Variants in CFAP251 observed in about 807,000 individuals in gnomAD.
CFAP251 encodes cilia and flagella associated protein 251.
CFAP251 carries 93 observed loss-of-function variants against 126.7 expected under a neutral mutation model. The observed-to-expected ratio is 0.73, with a 90% CI of 0.62 to 0.87. The LOEUF is 0.87. Among genes scored for constraint, CFAP251 ranks in the 40% least tolerant of loss-of-function variants. The pLI is 0.00. For missense variants in CFAP251, 1,287 were observed against 1,389.2 expected (o/e 0.93, Z 1.17); for synonymous variants, 503 against 506.9 (o/e 0.99, Z 0.10).
In CFAP251 at chr12:122,003,915, T is replaced by C. The variant is rs146656373; in HGVS notation, c.*151T>C. ...ATTAAAGCAAGTTTCTGGTGAGCAA[T>C]GGAATTCACAAAGTTGGACATTCCA... is the stretch of plus-strand genomic sequence containing the variant. On this transcript the variant is annotated 3_prime_UTR_variant, in exon 22 of 22. Transcript: ENST00000288912. 7.9e-5 allele frequency: 45 copies of C among 567,808 alleles called. No individual in the cohort carries two copies. Among genetic ancestry groups the C allele is most frequent in the Non-Finnish European group, 1.2e-4 (43 of 345,432 alleles). The allele number at this position is 567,808 out of a possible 1,614,324, so 35.2% of individuals were successfully genotyped here.
At chr12:121,922,079 G>A (rs1161045102) in intron 2 of CFAP251, among the ~76,000 whole-genome samples, 4 of 146,718 alleles carry the variant, frequency 2.7e-5, no homozygotes, top group Admixed American at 2.1e-4. Context: ...ACAGGCACAC[G>A]CCACCACGCC....
intron 1 of CFAP251, among the ~76,000 whole-genome samples, chr12:121,919,947 C>A (rs1880088967): frequency 6.6e-6 from 1 of 151,992 alleles, no homozygotes; most frequent in Non-Finnish European, 1.5e-5. Context: ...TTTGGGAAGC[C>A]AAGGCGGGCG....
chr12:121,928,642 A>ATATATACG (rs1488035955), intron 3 of CFAP251, among the ~76,000 whole-genome samples: 6,957 of 29,792 alleles, frequency 0.23, 704 homozygotes, highest in East Asian at 0.42. Flanking sequence ...ATATACGTAT[A>ATATATACG]TATATATATA....
chr12:121,998,054 A>G (rs1032596378), intron 19 of CFAP251: 14 of 150,592 alleles, frequency 9.3e-5, no homozygotes, highest in Admixed American at 6.6e-4. Context: ...CCCGGCCTCA[A>G]TTGATTTTTT....
chr12:121,973,146 G>A (rs981359016), intron 17 of CFAP251, among the ~76,000 whole-genome samples: 2 of 152,142 alleles, frequency 1.3e-5, no homozygotes, highest in Non-Finnish European at 2.9e-5. Context: ...CTTGGTGCCC[G>A]GCATCCCAGC....
In CFAP251 at chr12:121,958,400, T is replaced by C. The variant is rs777321081; in HGVS notation, c.1859T>C (p.Leu620Pro). 3 of 1,614,228 alleles carry C rather than the reference T, an allele frequency of 1.9e-6. No individual in the cohort carries two copies. The South Asian group carries it at 3.3e-5, about 18-fold the overall frequency. Residue 620 changes from leucine (L) to proline (P), a missense_variant, in exon 12 of 22, where the codon CTC becomes CCC. Physicochemically the swap from Leu to Pro is moderately conservative, Grantham distance 98 (BLOSUM62 -3). Coordinates refer to ENST00000288912, the MANE Select transcript of CFAP251 (RefSeq NM_144668.6). ...CAISCHPYQP[L>P]IAIGSICGMI... The stretch of plus-strand genomic sequence containing the variant: ...ATCTCCTGCCACCCATATCAACCCC[T>C]CATTGCCATCGGGAGCATCTGTGGG...
intron 5 of CFAP251, among the ~76,000 whole-genome samples, chr12:121,940,524 C>T (rs1185426708): frequency 1.3e-5 from 2 of 152,066 alleles, no homozygotes; most frequent in Non-Finnish European, 1.5e-5. Context: ...GTATCTAGGA[C>T]TCCATAAACA....
At chr12:121,934,037 T>C (rs1880794131) in intron 4 of CFAP251, among the ~76,000 whole-genome samples, 1 of 152,112 alleles carries the variant, frequency 6.6e-6, no homozygotes, top group Non-Finnish European at 1.5e-5. Flanking sequence ...AGGGAACTTA[T>C]CTTTCAGGTG....
intron 9 of CFAP251, 97 bp from the exon 10 acceptor site, chr12:121,954,023 C>A: frequency 9.2e-7 from 1 of 1,089,338 alleles, no homozygotes; most frequent in Non-Finnish European, 1.3e-6. Flanking sequence ...CTCTTTTTCT[C>A]ACTATATTTC....
chr12:121,962,117 G>A lies in CFAP251; in HGVS notation c.2447G>A (p.Ser816Asn), dbSNP rs140082126. ...GAACTCTTCCTGCTTATTTGCAACA[G>A]TGGCTACAAAGTGAAGCTTTTTAAT... ...TRELFLLICNSGYKVKLFNAT... is the reference protein window; with the variant it reads ...TRELFLLICNNGYKVKLFNAT... The change falls in exon 15 of 22, where the codon AGT becomes AAT. Residue 816 changes from serine to asparagine, a missense_variant. Physicochemically the swap from Ser to Asn is conservative, Grantham distance 46. Coordinates refer to ENST00000288912, the MANE Select transcript of CFAP251 (RefSeq NM_144668.6). 3.3e-5 allele frequency: 54 copies of A among 1,613,900 alleles called. No individual in the cohort carries two copies. The African/African-American group carries it at 5.5e-4, about 16-fold the overall frequency.
intron 9 of CFAP251, chr12:121,953,335 T>A (rs1881598821): frequency 6.6e-6 from 1 of 152,224 alleles, no homozygotes; most frequent in Non-Finnish European, 1.5e-5. Flanking sequence ...GGCGGAGCAT[T>A]GCCCTGCCTG....
rs1484482986 is a variant in CFAP251 at position 121,989,551 on chromosome 12, A to G, written c.3007-10165A>G. The stretch of plus-strand genomic sequence containing the variant: ...ATGTGGCCATGCAGTGACGCTGCCC[A>G]GCCCTTACGCCCCCTCCTCAGCCCA... On this transcript the variant is annotated intron_variant, in intron 19 of 21. Coordinates refer to ENST00000288912, the MANE Select transcript of CFAP251 (RefSeq NM_144668.6). The surrounding 1 kb of genome is among the most constrained non-coding windows in gnomAD (Gnocchi z 4.2). 6.6e-6 allele frequency among the ~76,000 whole-genome samples: 1 copy of G among 152,214 alleles called. No homozygotes were observed. The highest frequency in any genetic ancestry group is 1.5e-5 in the Non-Finnish European group (1 of 68,020).
At chr12:121,976,017 T>C (rs1248859362) in intron 19 of CFAP251, among the ~76,000 whole-genome samples, 3 of 151,530 alleles carry the variant, frequency 2.0e-5, no homozygotes, top group African/African-American at 4.8e-5. Flanking sequence ...TTTTCTTTTT[T>C]TTTTTTTTTG....
chr12:121,923,033 G>A (rs1365691980), intron 2 of CFAP251, among the ~76,000 whole-genome samples: 2 of 152,078 alleles, frequency 1.3e-5, no homozygotes, highest in Non-Finnish European at 2.9e-5. Context: ...CTGACCTCGT[G>A]ATCTGCCCGC....
At chr12:121,963,284 C>T (rs1367246831) in intron 15 of CFAP251, among the ~76,000 whole-genome samples, 2 of 151,924 alleles carry the variant, frequency 1.3e-5, no homozygotes, top group African/African-American at 2.4e-5. Flanking sequence ...AGACACCTCT[C>T]GAAGTCAGAA....
chr12:121,920,258 C>T (rs552615450), intron 1 of CFAP251, among the ~76,000 whole-genome samples: 7 of 131,402 alleles, frequency 5.3e-5, no homozygotes, highest in Non-Finnish European at 9.6e-5. Flanking sequence ...GAGAGGGTCT[C>T]GCTCTGTTGC....
chr12:121,977,363 T>C (rs890323063), intron 19 of CFAP251, among the ~76,000 whole-genome samples: 2 of 152,232 alleles, frequency 1.3e-5, no homozygotes, highest in Admixed American at 6.5e-5. Context: ...TATATAGTTT[T>C]AAAAAACTAA....
chr12:121,992,353 A>G (rs1882895539), intron 19 of CFAP251: 1 of 985,266 alleles, frequency 1.0e-6, no homozygotes, highest in African/African-American at 1.7e-5. Flanking sequence ...GTGCTTGTTG[A>G]GTAGTGATTC....
At position 121,959,015 on chromosome 12, in the gene CFAP251, G is replaced by C. The variant is rs1170700972; in HGVS notation, c.2054G>C (p.Ser685Thr). 2.5e-6 allele frequency: 4 copies of C among 1,613,324 alleles called. No homozygotes were observed. In the South Asian group the frequency reaches 4.4e-5, roughly 18 times the overall value. Residue 685 changes from serine (S) to threonine (T), a missense_variant, in exon 13 of 22, where the codon AGC (serine) becomes ACC (threonine). Transcript: ENST00000288912. Reference protein sequence around the residue: ...ILDAMSLENESPEPFKYSRTS... With the variant: ...ILDAMSLENETPEPFKYSRTS... ...GATGCAATGTCTTTAGAAAATGAAAGCCCAGAGCCTTTCAAATATTCCAGA... is the reference window on the plus strand; with the variant it reads ...GATGCAATGTCTTTAGAAAATGAAACCCCAGAGCCTTTCAAATATTCCAGA...
Sources: gnomAD v4.1 joint callset for allele counts (sites outside exome capture counted in the v4.1 genomes callset) on GRCh38, gnomAD v4.1.1 for gene constraint, Gnocchi (gnomAD v3.1) non-coding constraint, MANE v1.5 for transcripts, NCBI Gene and HGNC (gene_info 2026-07-23, HGNC 2026-07-21) for gene names.